Variants in SLC27A6 observed in about 807,000 individuals in gnomAD.
SLC27A6 encodes the protein solute carrier family 27 member 6.
In SLC27A6, 74 loss-of-function variants were observed where a neutral mutation model predicts 63.9. The observed-to-expected ratio is 1.16, with a 90% confidence interval of 0.96 to 1.40. The LOEUF is 1.40. Ranked by LOEUF, SLC27A6 falls within the 40% of genes most tolerant of loss-of-function variation. The pLI, the probability that SLC27A6 is intolerant of heterozygous loss-of-function variation, is 0.00. For synonymous variants in SLC27A6, 287 were observed against 260.8 expected, an observed-to-expected ratio of 1.10 and a Z score of -0.97; for missense variants, 794 against 732.9, an observed-to-expected ratio of 1.08 and a Z score of -0.96.
At chr5:128,999,864 G>A (rs971668969) in intron 4 of SLC27A6, among the ~76,000 whole-genome samples, 1 of 152,118 alleles carries the variant, frequency 6.6e-6, no homozygotes, top group Admixed American at 6.6e-5. Context: ...GTAGACTGAT[G>A]TTATACATGC....
intron 6 of SLC27A6, among the ~76,000 whole-genome samples, chr5:129,026,224 A>G (rs1275512165): frequency 6.6e-6 from 1 of 152,148 alleles, no homozygotes; most frequent in Non-Finnish European, 1.5e-5. Context: ...GCATCACTTT[A>G]CAGCAGGCAT....
At chr5:128,988,814 G>C in intron 3 of SLC27A6, 56 bp downstream of exon 3, 1 of 1,369,320 alleles carries the variant, frequency 7.3e-7, no homozygotes, top group Non-Finnish European at 1.0e-6. Context: ...ATTAGAACAA[G>C]TATTTATTAA....
intron 4 of SLC27A6, among the ~76,000 whole-genome samples, chr5:129,010,030 A>G (rs1751677691): frequency 6.6e-6 from 1 of 152,190 alleles, no homozygotes; most frequent in African/African-American, 2.4e-5. Context: ...AATAAATCGT[A>G]TTTTTTAAAG....
intron 1 of SLC27A6, among the ~76,000 whole-genome samples, chr5:128,974,906 T>C (rs1580702160): frequency 6.6e-6 from 1 of 152,382 alleles, no homozygotes. Context: ...GTAGATCTTA[T>C]TGTATTTAAA....
chr5:129,000,944 G>T (rs995906455), intron 4 of SLC27A6, among the ~76,000 whole-genome samples: 1 of 152,212 alleles, frequency 6.6e-6, no homozygotes, highest in Non-Finnish European at 1.5e-5. Flanking sequence ...GTAAGTAGCA[G>T]TTCCTATCCC....
intron 4 of SLC27A6, among the ~76,000 whole-genome samples, chr5:129,014,767 T>A (rs551263343): frequency 6.6e-6 from 1 of 152,328 alleles, no homozygotes; most frequent in South Asian, 2.1e-4. Flanking sequence ...GCTTTCCTCA[T>A]TCTTTTTGAT....
At chr5:128,993,601 G>A (rs945835001) in intron 4 of SLC27A6, among the ~76,000 whole-genome samples, 5 of 151,928 alleles carry the variant, frequency 3.3e-5, no homozygotes, top group African/African-American at 1.2e-4. Context: ...TTATCCAGTT[G>A]AACTCCCACT....
At chr5:129,008,610 A>G (rs1751624586) in intron 4 of SLC27A6, among the ~76,000 whole-genome samples, 1 of 152,222 alleles carries the variant, frequency 6.6e-6, no homozygotes, top group African/African-American at 2.4e-5. Context: ...TGGCAGTGGA[A>G]AATCCAAGAG....
At chr5:128,997,191 T>C (rs1751189349) in intron 4 of SLC27A6, among the ~76,000 whole-genome samples, 1 of 152,202 alleles carries the variant, frequency 6.6e-6, no homozygotes, top group South Asian at 2.1e-4. Context: ...TTAATTGTTA[T>C]CAAGATATTC....
At chr5:128,996,591 T>A (rs1011954091) in intron 4 of SLC27A6, among the ~76,000 whole-genome samples, 5 of 152,128 alleles carry the variant, frequency 3.3e-5, no homozygotes, top group East Asian at 3.9e-4. Flanking sequence ...GGTTTTTTTT[T>A]ATTATTTTGT....
rs1230690982 is a variant in SLC27A6, at chr5:129,032,929, C to A, written c.1684-177C>A. Among the ~76,000 whole-genome samples the A allele has an allele frequency of 2.0e-5, 3 of 151,708 alleles. No homozygotes were observed. In the East Asian group the frequency reaches 5.8e-4, roughly 29 times the overall value. ...AAGTAAAGTTTACAGGTAAATCAAA[C>A]TAAAGATTTTAATATTCTAAAATAC... On this transcript the variant is annotated intron_variant, in intron 9 of 9. Coordinates refer to ENST00000262462, the MANE Select transcript of SLC27A6 (RefSeq NM_001017372.3).
Position 129,033,071 on chromosome 5 carries a change from A to C in SLC27A6, c.1684-35A>C, listed in dbSNP as rs1752460546. 8 of 1,467,656 alleles carry C rather than the reference A, an allele frequency of 5.5e-6. 1 individual carries two copies. The South Asian group carries it at 7.5e-5, about 14-fold the overall frequency. The allele number at this position is 1,467,656 out of a possible 1,614,324, so 90.9% of individuals were successfully genotyped here. A position where few individuals can be genotyped will look rare whatever the true frequency, so the allele number is the denominator to read the frequency against. ...TATATATGTATATATTATAGTTATT[A>C]AATGATTCTACTCATCCTGGTAATT... On this transcript the variant is annotated intron_variant, in intron 9 of 9. Transcript: ENST00000262462.
At chr5:129,026,170 T>G (rs550750397) in intron 6 of SLC27A6, among the ~76,000 whole-genome samples, 2 of 152,176 alleles carry the variant, frequency 1.3e-5, no homozygotes, top group South Asian at 4.1e-4. Flanking sequence ...TCACTCTGTA[T>G]CATAGTTTGC....
At chr5:128,972,513 A>G (rs561679208) in intron 1 of SLC27A6, among the ~76,000 whole-genome samples, 33 of 152,030 alleles carry the variant, frequency 2.2e-4, no homozygotes, top group African/African-American at 7.7e-4. Flanking sequence ...CATTTCATTC[A>G]TTTGATCTTC....
chr5:129,026,722 T>G (rs1198079484), intron 6 of SLC27A6, among the ~76,000 whole-genome samples: 1 of 152,148 alleles, frequency 6.6e-6, no homozygotes, highest in East Asian at 1.9e-4. Flanking sequence ...AAAGGGCTCA[T>G]GGTAAATGCC....
In SLC27A6 at chr5:128,965,805, A is replaced by G; in HGVS notation, c.-333A>G. 4.4e-6 allele frequency: 1 copy of G among 226,644 alleles called. No individual in the cohort carries two copies. The allele number at this position is 226,644 out of a possible 1,614,324, so 14.0% of individuals were successfully genotyped here. On this transcript the variant is annotated 5_prime_UTR_variant, in exon 1 of 10. Coordinates refer to ENST00000262462, the MANE Select transcript of SLC27A6 (RefSeq NM_001017372.3). ...GGCACGGGCCGCTGTCGCGGTTGGG[A>G]GGCGAGGGCGCAGCGCTGGGGTTGT...
At chr5:128,987,896 A>T (rs977127734) in intron 2 of SLC27A6, among the ~76,000 whole-genome samples, 8 of 152,160 alleles carry the variant, frequency 5.3e-5, no homozygotes, top group African/African-American at 1.9e-4. Flanking sequence ...ATTCAAAAAT[A>T]TCTAGAACTA....
intron 4 of SLC27A6, among the ~76,000 whole-genome samples, chr5:128,993,891 T>C (rs1297199147): frequency 6.6e-6 from 1 of 152,100 alleles, no homozygotes; most frequent in East Asian, 1.9e-4. Context: ...GCAGATCACT[T>C]GAGGTCAGGA....
At chr5:129,030,030 A>G (rs1305040797) in intron 9 of SLC27A6, among the ~76,000 whole-genome samples, 1 of 151,996 alleles carries the variant, frequency 6.6e-6, no homozygotes, top group Non-Finnish European at 1.5e-5. Flanking sequence ...ATTTGGTGCT[A>G]TGTGCCTAGA....
Sources: gnomAD v4.1 joint callset for allele counts (sites outside exome capture counted in the v4.1 genomes callset) on GRCh38, gnomAD v4.1.1 for gene constraint, MANE v1.5 for transcripts, NCBI Gene and HGNC (gene_info 2026-07-23, HGNC 2026-07-21) for gene names.